Variants in KIAA1958 observed in about 807,000 individuals in gnomAD.
The protein encoded by KIAA1958 is uncharacterized protein KIAA1958.
KIAA1958 carries 14 observed loss-of-function variants against 47.2 expected under a neutral mutation model. The observed-to-expected ratio is 0.30, with a 90% CI of 0.20 to 0.46. The LOEUF (loss-of-function observed/expected upper bound fraction) is 0.46, where lower values mean the gene tolerates loss of function less well. Ranked by LOEUF, KIAA1958 falls within the 20% of genes least tolerant of loss-of-function variation. The pLI, the probability that KIAA1958 is intolerant of heterozygous loss-of-function variation, is 1.00. For synonymous variants in KIAA1958, 354 were observed against 353.3 expected, an observed-to-expected ratio of 1.00 and a Z score of -0.02; for missense variants, 803 against 909.2, an observed-to-expected ratio of 0.88 and a Z score of 1.50.
chr9:112,566,139 G>T (rs999512925), intron 1 of KIAA1958, among the ~76,000 whole-genome samples: 49 of 151,912 alleles, frequency 3.2e-4, no homozygotes, highest in African/African-American at 1.1e-3. Flanking sequence ...TCCTGACCTC[G>T]TGATCTGCCC....
chr9:112,611,019 T>C (rs1044536220), intron 2 of KIAA1958, among the ~76,000 whole-genome samples: 4 of 152,196 alleles, frequency 2.6e-5, no homozygotes, highest in Non-Finnish European at 5.9e-5. Flanking sequence ...AAATTTAACA[T>C]GAATTTTTTA....
chr9:112,659,982 G>A lies in KIAA1958; in HGVS notation c.2064G>A (p.Lys688=). Residue 688 remains lysine (K), a synonymous_variant, in exon 4 of 4, where the codon AAG becomes AAA. Coordinates refer to ENST00000337530, the MANE Select transcript of KIAA1958 (RefSeq NM_133465.4). ...GAATTGTCCCAAACTTAGCCAAGAA[G>A]GTCAAGCTGGAAAACTGTGAGAACT... ...LRGIVPNLAK[K]VKLENCENFT... 1 of 1,614,234 alleles carries A rather than the reference G, an allele frequency of 6.2e-7. No homozygotes were observed. Among genetic ancestry groups the A allele is most frequent in the Non-Finnish European group, 8.5e-7 (1 of 1,180,042 alleles).
intron 2 of KIAA1958, among the ~76,000 whole-genome samples, chr9:112,612,062 A>G (rs1344005785): frequency 6.6e-6 from 1 of 151,914 alleles, no homozygotes; most frequent in African/African-American, 2.4e-5. Flanking sequence ...AATGTTTATA[A>G]TACATAATAT....
At chr9:112,525,352 C>T (rs952285747) in intron 1 of KIAA1958, among the ~76,000 whole-genome samples, 3 of 152,224 alleles carry the variant, frequency 2.0e-5, no homozygotes, top group African/African-American at 7.2e-5. Flanking sequence ...CACCCTTACC[C>T]ATCCTCTCAG....
At chr9:112,628,052 TTA>T (rs1430837595) in intron 2 of KIAA1958, among the ~76,000 whole-genome samples, 2 of 152,192 alleles carry the variant, frequency 1.3e-5, no homozygotes, top group Non-Finnish European at 2.9e-5. Context: ...CACTATACTT[TTA>T]TTTATACTCT....
At chr9:112,578,721 A>C (rs1160661823) in intron 2 of KIAA1958, among the ~76,000 whole-genome samples, 1 of 152,168 alleles carries the variant, frequency 6.6e-6, no homozygotes, top group Non-Finnish European at 1.5e-5. Flanking sequence ...TCCAAATCTT[A>C]GCAAACAATG....
At chr9:112,487,334 C>T (rs56045355) in intron 1 of KIAA1958, 38,925 of 151,742 alleles carry the variant, frequency 0.26, 5,098 homozygotes, top group Middle Eastern at 0.38. Flanking sequence ...TCGGCAGCGC[C>T]GGGCTTGGGG....
At position 112,603,838 on chromosome 9, in the gene KIAA1958, C is replaced by T. The variant is rs912538457; in HGVS notation, c.1171+28587C>T. ...GCAACTTCATAAATATAAATCTGCT[C>T]GCCAGATTTCTTTTTACTTTTCAAA... On this transcript the variant is annotated intron_variant, in intron 2 of 3. Coordinates refer to ENST00000337530, the MANE Select transcript of KIAA1958 (RefSeq NM_133465.4). Among the ~76,000 whole-genome samples the T allele has an allele frequency of 4.6e-5, 7 of 152,032 alleles. No homozygotes were observed. In the South Asian group the frequency reaches 8.3e-4, roughly 18 times the overall value.
At chr9:112,627,310 T>G (rs938084657) in intron 2 of KIAA1958, among the ~76,000 whole-genome samples, 2 of 152,244 alleles carry the variant, frequency 1.3e-5, no homozygotes, top group Admixed American at 1.3e-4. Context: ...GATGTTTGAG[T>G]ATCTTACAGA....
intron 1 of KIAA1958, among the ~76,000 whole-genome samples, chr9:112,539,045 C>G (rs1834898442): frequency 3.9e-5 from 6 of 152,136 alleles, no homozygotes; most frequent in Admixed American, 3.9e-4. Context: ...TGGACAATAA[C>G]AAGTGTTGAC....
At chr9:112,577,352 A>C (rs1002207012) in intron 2 of KIAA1958, among the ~76,000 whole-genome samples, 3 of 152,136 alleles carry the variant, frequency 2.0e-5, no homozygotes, top group African/African-American at 7.2e-5. Flanking sequence ...TCATTGAATA[A>C]CAATGTGGTC....
In KIAA1958 at chr9:112,660,275, CA is replaced by C; in HGVS notation, c.*209del. The C allele has an allele frequency of 1.7e-6, 1 of 578,806 alleles. No homozygotes were observed. Among genetic ancestry groups the C allele is most frequent in the East Asian group, 2.8e-5 (1 of 35,724 alleles). The allele number at this position is 578,806 out of a possible 1,614,324, so 35.9% of individuals were successfully genotyped here. On this transcript the variant is annotated 3_prime_UTR_variant, in exon 4 of 4. Coordinates refer to ENST00000337530, the MANE Select transcript of KIAA1958 (RefSeq NM_133465.4). ...GTCTAAATCATTCGGATGGTTTATC[CA>C]AATGTGCGTCAACTTCGTTAGCTTT... is the stretch of plus-strand genomic sequence containing the variant.
chr9:112,568,936 TAAAAAAAAAAAAAAAAAAA>T (rs57898820), intron 1 of KIAA1958, among the ~76,000 whole-genome samples: 52 of 36,456 alleles, frequency 1.4e-3, no homozygotes, highest in Admixed American at 3.8e-3. Context: ...ATAGGAAAAC[TAAAAAAAAAAAAAAAAAAA>T]AAAAAAAAAA....
chr9:112,547,111 T>C (rs1835050937), intron 1 of KIAA1958, among the ~76,000 whole-genome samples: 1 of 151,818 alleles, frequency 6.6e-6, no homozygotes, highest in Admixed American at 6.6e-5. Flanking sequence ...GCGCGGTAGC[T>C]CACTCCTGTA....
rs1835270746 is a variant in KIAA1958, at chr9:112,557,980, A to C, written c.-24-16077A>C. ...AGTGGCTCATGCCTGTAATCCCAGC[A>C]CTTTGGGAGGCCGAGGCGGGTGGAT... On this transcript the variant is annotated intron_variant, in intron 1 of 3. Transcript: ENST00000337530. Among the ~76,000 whole-genome samples the C allele has an allele frequency of 2.0e-5, 3 of 152,328 alleles. No individual in the cohort carries two copies. In the South Asian group the frequency reaches 6.2e-4, roughly 32 times the overall value.
Position 112,659,921 on chromosome 9 carries a change from A to T in KIAA1958, c.2003A>T (p.Tyr668Phe), listed in dbSNP as rs777713916. The T allele has an allele frequency of 6.2e-7, 1 of 1,614,198 alleles. No individual in the cohort carries two copies. The highest frequency in any genetic ancestry group is 8.5e-7 in the Non-Finnish European group (1 of 1,180,008). The change falls in exon 4 of 4, where the codon TAT (tyrosine) becomes TTT (phenylalanine). Residue 668 changes from tyrosine (Y) to phenylalanine (F), a missense_variant. By Grantham distance (22) the Tyr-to-Phe change is conservative (BLOSUM62 3). Around this residue, in one of 2 missense-constraint regions of KIAA1958, gnomAD observed 761 missense variants for 829.3 expected, o/e 0.92. Transcript: ENST00000337530. Reference protein sequence around the residue: ...KEATDMGSVWYEEQRMGLRSL... With the variant: ...KEATDMGSVWFEEQRMGLRSL... Reference sequence around the variant, plus strand: ...GCCACAGACATGGGCAGCGTGTGGTATGAGGAGCAGAGGATGGGGCTGCGC... The same window carrying T: ...GCCACAGACATGGGCAGCGTGTGGTTTGAGGAGCAGAGGATGGGGCTGCGC...
chr9:112,574,858 A>T lies in KIAA1958; in HGVS notation c.778A>T (p.Ile260Phe), dbSNP rs760276121. 6.8e-6 allele frequency: 11 copies of T among 1,613,992 alleles called. No homozygotes were observed. Among genetic ancestry groups the T allele is most frequent in the Non-Finnish European group, 9.3e-6 (11 of 1,180,014 alleles). The change falls in exon 2 of 4, where the codon ATC becomes TTC. Residue 260 changes from isoleucine to phenylalanine, a missense_variant. Coordinates refer to ENST00000337530, the MANE Select transcript of KIAA1958 (RefSeq NM_133465.4). ...AKLIPHVTSA[I>F]STELDPHGMS... ...ACTGATTCCCCATGTCACATCTGCC[A>T]TCAGCACGGAGCTAGACCCACACGG...
intron 2 of KIAA1958, among the ~76,000 whole-genome samples, chr9:112,628,470 A>G (rs1243805609): frequency 6.6e-6 from 1 of 152,238 alleles, no homozygotes; most frequent in Non-Finnish European, 1.5e-5. Context: ...CAATAAAAAT[A>G]AATTTAATTA....
intron 1 of KIAA1958, among the ~76,000 whole-genome samples, chr9:112,536,591 GC>G (rs2132817671): frequency 6.6e-6 from 1 of 152,262 alleles, no homozygotes; most frequent in East Asian, 1.9e-4. Context: ...AATAAATGGT[GC>G]AAGTCAATTA....
Sources: allele counts gnomAD v4.1 joint callset (sites outside exome capture counted in the v4.1 genomes callset), GRCh38; gene constraint gnomAD v4.1.1; regional missense constraint gnomAD v4.1.1; transcripts MANE v1.5; gene names NCBI Gene and HGNC (gene_info 2026-07-23, HGNC 2026-07-21).